TENM2: variants seen among roughly 807,000 people sequenced by gnomAD.
TENM2 encodes teneurin-2.
In TENM2, 52 loss-of-function variants were observed where a neutral mutation model predicts 245.2. The observed-to-expected ratio is 0.21, with a 90% CI of 0.17 to 0.27. TENM2 has a LOEUF of 0.27. Ranked by LOEUF, TENM2 falls within the 10% of genes least tolerant of loss-of-function variation. The pLI, the probability that TENM2 is intolerant of heterozygous loss-of-function variation, is 1.00. For synonymous variants in TENM2, 1,363 were observed against 1,438.9 expected (o/e 0.95, Z 1.19); for missense variants, 3,046 against 3,666.8 (o/e 0.83, Z 4.37).
rs113328312 is a variant in TENM2, at chr5:168,126,830, C to A, written c.2286C>A (p.Gly762=). The change falls in exon 12 of 29, where the codon GGC becomes GGA. Residue 762 remains glycine, a synonymous_variant. Transcript: ENST00000518659. ...GCCGCTGTGAAGAGGGCTGGACAGG[C>A]GCAGCGTGTGACCAGCGCGTGTGCC... 31 of 1,612,900 alleles carry A rather than the reference C, an allele frequency of 1.9e-5. No individual in the cohort carries two copies. The South Asian group carries it at 2.4e-4, about 13-fold the overall frequency.
At chr5:167,431,949 G>GTA (rs1482830661) in intron 2 of TENM2, among the ~76,000 whole-genome samples, 52 of 53,218 alleles carry the variant, frequency 9.8e-4, no homozygotes, top group Non-Finnish European at 1.5e-3. Flanking sequence ...ACATATATAT[G>GTA]TATATATATA....
intron 2 of TENM2, among the ~76,000 whole-genome samples, chr5:167,823,346 G>T (rs566012696): frequency 6.6e-6 from 1 of 152,204 alleles, no homozygotes; most frequent in African/African-American, 2.4e-5. Context: ...ATGCATGTGT[G>T]TGTGCATATA....
chr5:167,071,878 G>GCCCCCCCCCCCCCCCCCCCCCCCC, the TENM2 span, among the ~76,000 whole-genome samples: 20 of 124,014 alleles, frequency 1.6e-4, no homozygotes, highest in South Asian at 2.9e-4. Flanking sequence ...TTGACAAATC[G>GCCCCCCCCCCCCCCCCCCCCCCCC]CCCCCCCCCG....
chr5:167,024,894 C>T, the TENM2 span, among the ~76,000 whole-genome samples: 1 of 152,160 alleles, frequency 6.6e-6, no homozygotes, highest in African/African-American at 2.4e-5. Flanking sequence ...TTCCCACTGC[C>T]TACAGAATGA....
At chr5:168,215,579 G>A (rs1379449580) in intron 21 of TENM2, among the ~76,000 whole-genome samples, 1 of 152,226 alleles carries the variant, frequency 6.6e-6, no homozygotes, top group African/African-American at 2.4e-5. Flanking sequence ...TGAGGCAGGA[G>A]AATGGCGTGA....
the TENM2 span, among the ~76,000 whole-genome samples, chr5:167,254,558 T>C: frequency 6.6e-6 from 1 of 152,182 alleles, no homozygotes; most frequent in African/African-American, 2.4e-5. Context: ...AAGTATTTAT[T>C]GGACTCTAGA....
intron 1 of TENM2, among the ~76,000 whole-genome samples, chr5:167,354,122 T>C (rs927080995): frequency 6.6e-6 from 1 of 152,192 alleles, no homozygotes; most frequent in African/African-American, 2.4e-5. Flanking sequence ...CTACACTAGA[T>C]CCTGGGTTTA....
At chr5:167,862,626 T>C (rs1412280069) in intron 2 of TENM2, among the ~76,000 whole-genome samples, 1 of 152,200 alleles carries the variant, frequency 6.6e-6, no homozygotes. Flanking sequence ...CCTTGATGCA[T>C]AGTTTTCCCC....
intron 2 of TENM2, among the ~76,000 whole-genome samples, chr5:167,523,329 G>T (rs1770889159): frequency 6.6e-6 from 1 of 152,168 alleles, no homozygotes; most frequent in South Asian, 2.1e-4. Flanking sequence ...TTGAGCACGT[G>T]CATCATTTCT....
At chr5:168,258,337 T>C (rs541248585) in intron 27 of TENM2, among the ~76,000 whole-genome samples, 1 of 151,984 alleles carries the variant, frequency 6.6e-6, no homozygotes, top group East Asian at 2.0e-4. Context: ...CTGTCTCTAC[T>C]AAAAATACAA....
chr5:167,206,683 TCCTACTGGAC>T, the TENM2 span, among the ~76,000 whole-genome samples: 454 of 152,302 alleles, frequency 3.0e-3, 1 homozygote, highest in Middle Eastern at 0.034. Context: ...TATTTTTAAC[TCCTACTGGAC>T]CCAGGTTTGG....
intron 2 of TENM2, among the ~76,000 whole-genome samples, chr5:167,830,955 G>A (rs1768420394): frequency 1.3e-5 from 2 of 152,122 alleles, no homozygotes; most frequent in Non-Finnish European, 2.9e-5. Context: ...TGCTTGTGTT[G>A]TTTCCAGCTT....
chr5:167,645,089 T>G (rs1463114425), intron 2 of TENM2, among the ~76,000 whole-genome samples: 4 of 152,182 alleles, frequency 2.6e-5, no homozygotes, highest in South Asian at 4.1e-4. Flanking sequence ...AAATATAGTA[T>G]TATAATTTCA....
At chr5:168,107,842 C>G (rs1382714326) in intron 9 of TENM2, among the ~76,000 whole-genome samples, 1 of 152,214 alleles carries the variant, frequency 6.6e-6, no homozygotes, top group East Asian at 1.9e-4. Flanking sequence ...TCACAGGTCA[C>G]CACCTCCCTG....
the TENM2 span, chr5:167,119,438 A>G: frequency 6.6e-6 from 1 of 152,332 alleles, no homozygotes; most frequent in African/African-American, 2.4e-5. Flanking sequence ...CTGAGATTGG[A>G]TAATATATAA....
chr5:168,177,868 G>T (rs915784374), intron 13 of TENM2, among the ~76,000 whole-genome samples: 1 of 152,134 alleles, frequency 6.6e-6, no homozygotes, highest in Admixed American at 6.5e-5. Flanking sequence ...CAAAATAAAC[G>T]AGAAAATCTC....
chr5:167,725,748 C>T (rs995714315), intron 2 of TENM2, among the ~76,000 whole-genome samples: 9 of 152,154 alleles, frequency 5.9e-5, no homozygotes, highest in African/African-American at 2.2e-4. Context: ...CTAAGTGCAT[C>T]TGTTACCACT....
At chr5:167,235,035 A>C in the TENM2 span, among the ~76,000 whole-genome samples, 520 of 152,308 alleles carry the variant, frequency 3.4e-3, 4 homozygotes, top group African/African-American at 0.012. Context: ...CAAGTGGCTT[A>C]AAAACAGTAG....
At chr5:168,220,503 AT>A (rs568833841) in intron 23 of TENM2, among the ~76,000 whole-genome samples, 41 of 152,308 alleles carry the variant, frequency 2.7e-4, no homozygotes, top group Non-Finnish European at 4.7e-4. Context: ...TTGAAACTGA[AT>A]TTTTTTATCT....
Sources: gnomAD v4.1 joint callset for allele counts (sites outside exome capture counted in the v4.1 genomes callset) on GRCh38, gnomAD v4.1.1 for gene constraint, MANE v1.5 for transcripts, NCBI Gene and HGNC (gene_info 2026-07-23, HGNC 2026-07-21) for gene names.